Variants in EPHA6 observed in about 807,000 individuals in gnomAD.
EPHA6 encodes the protein ephrin type-A receptor 6.
A neutral mutation model predicts 112.0 loss-of-function variants in EPHA6; 50 were observed. The observed-to-expected ratio is 0.45, with a 90% CI of 0.36 to 0.56. The LOEUF (loss-of-function observed/expected upper bound fraction) is 0.56, where lower values mean the gene tolerates loss of function less well. Ranked by LOEUF, EPHA6 falls within the 20% of genes least tolerant of loss-of-function variation. The probability of loss-of-function intolerance (pLI) is 0.00; values close to 1 mark genes in which losing one functional copy is unlikely to be tolerated. For synonymous variants in EPHA6, 529 were observed against 490.7 expected (o/e 1.08, Z -1.03); for missense variants, 1,280 against 1,417.4 (o/e 0.90, Z 1.56).
At chr3:97,535,565 C>A (rs2092752450) in intron 11 of EPHA6, among the ~76,000 whole-genome samples, 1 of 151,998 alleles carries the variant, frequency 6.6e-6, no homozygotes, top group South Asian at 2.1e-4. Context: ...AGAAGAAAGC[C>A]AATAAATAAA....
intron 2 of EPHA6, among the ~76,000 whole-genome samples, chr3:96,900,338 T>C (rs1181098967): frequency 2.0e-5 from 3 of 152,176 alleles, no homozygotes; most frequent in Non-Finnish European, 2.9e-5. Context: ...TGAAATCCCA[T>C]AGAGGGAAGA....
chr3:96,816,830 TA>T (rs1257733530), intron 1 of EPHA6, among the ~76,000 whole-genome samples: 2 of 152,092 alleles, frequency 1.3e-5, no homozygotes, highest in African/African-American at 4.8e-5. Context: ...ATAGTAAATT[TA>T]AAAGCATCGA....
At chr3:96,904,312 A>G (rs531884878) in intron 2 of EPHA6, among the ~76,000 whole-genome samples, 23 of 152,020 alleles carry the variant, frequency 1.5e-4, no homozygotes, top group Non-Finnish European at 2.9e-4. Flanking sequence ...TTATAGGGAC[A>G]TGGATGAAGC....
intron 3 of EPHA6, among the ~76,000 whole-genome samples, chr3:97,032,485 A>G (rs115950266): frequency 6.6e-6 from 1 of 151,948 alleles, no homozygotes; most frequent in Non-Finnish European, 1.5e-5. Flanking sequence ...GATGAGACCC[A>G]TTATTTTGCT....
At chr3:97,019,836 T>G (rs2044391495) in intron 3 of EPHA6, among the ~76,000 whole-genome samples, 1 of 152,160 alleles carries the variant, frequency 6.6e-6, no homozygotes, top group Non-Finnish European at 1.5e-5. Flanking sequence ...TTTTTGCTTT[T>G]CTTTGTAAGT....
chr3:97,108,862 C>T (rs1197035783), intron 3 of EPHA6, among the ~76,000 whole-genome samples: 1 of 152,144 alleles, frequency 6.6e-6, no homozygotes, highest in Non-Finnish European at 1.5e-5. Flanking sequence ...TTTACAGCTA[C>T]AGTGTTGCAG....
intron 3 of EPHA6, among the ~76,000 whole-genome samples, chr3:97,174,629 T>G (rs1488009364): frequency 6.6e-6 from 1 of 151,964 alleles, no homozygotes; most frequent in African/African-American, 2.4e-5. Flanking sequence ...AGTTTTTATT[T>G]GCATTTCTGT....
intron 5 of EPHA6, among the ~76,000 whole-genome samples, chr3:97,288,865 T>A (rs543755303): frequency 6.6e-6 from 1 of 152,244 alleles, no homozygotes; most frequent in South Asian, 2.1e-4. Context: ...GTGGGGCCAC[T>A]TGTTACATCT....
At chr3:97,614,100 A>ATTGTTTT (rs550755202) in intron 13 of EPHA6, among the ~76,000 whole-genome samples, 865 of 152,134 alleles carry the variant, frequency 5.7e-3, no homozygotes, top group Non-Finnish European at 9.9e-3. Context: ...ATACTTTAAC[A>ATTGTTTT]TTGTTTTTTG....
intron 3 of EPHA6, among the ~76,000 whole-genome samples, chr3:97,217,670 TATCCA>T (rs1176985601): frequency 1.3e-5 from 2 of 152,170 alleles, no homozygotes; most frequent in African/African-American, 2.4e-5. Context: ...TATATCACAA[TATCCA>T]ATCATATGCT....
chr3:97,582,309 G>A (rs1174052163), intron 11 of EPHA6, among the ~76,000 whole-genome samples: 2 of 152,140 alleles, frequency 1.3e-5, no homozygotes. Flanking sequence ...CATTGCAGGT[G>A]TGAGCCACCA....
At chr3:97,170,271 T>C (rs1019741971) in intron 3 of EPHA6, among the ~76,000 whole-genome samples, 1 of 152,168 alleles carries the variant, frequency 6.6e-6, no homozygotes, top group Non-Finnish European at 1.5e-5. Context: ...TTACTATTAG[T>C]GCAACTTTAT....
At chr3:97,312,458 TC>T (rs2081606183) in intron 5 of EPHA6, among the ~76,000 whole-genome samples, 1 of 151,510 alleles carries the variant, frequency 6.6e-6, no homozygotes, top group Non-Finnish European at 1.5e-5. Flanking sequence ...TCCAACATAA[TC>T]CTCAAAGAAA....
At chr3:96,869,611 A>T (rs2036522239) in intron 2 of EPHA6, among the ~76,000 whole-genome samples, 2 of 152,034 alleles carry the variant, frequency 1.3e-5, no homozygotes, top group African/African-American at 4.8e-5. Flanking sequence ...ATTTTGCAAG[A>T]CTTAGAATTT....
intron 2 of EPHA6, among the ~76,000 whole-genome samples, chr3:96,890,834 C>G (rs1440645827): frequency 1.3e-5 from 2 of 152,158 alleles, no homozygotes; most frequent in Non-Finnish European, 2.9e-5. Flanking sequence ...GCCTGTAATC[C>G]CAGCACTTTG....
chr3:97,645,191 T>C lies in EPHA6; in HGVS notation c.2784+7109T>C, dbSNP rs1459312805. 2.6e-5 allele frequency among the ~76,000 whole-genome samples: 4 copies of C among 151,378 alleles called. No homozygotes were observed. The East Asian group carries it at 7.8e-4, about 29-fold the overall frequency. On this transcript the variant is annotated intron_variant, in intron 14 of 17. Transcript: ENST00000389672. ...TATATACCCAAAGGACTATAAATCATGCTGCTATAAAGACACATGCACACG... is the reference window on the plus strand; with the variant it reads ...TATATACCCAAAGGACTATAAATCACGCTGCTATAAAGACACATGCACACG...
intron 1 of EPHA6, among the ~76,000 whole-genome samples, chr3:96,863,987 T>C (rs1221566928): frequency 6.6e-6 from 1 of 152,030 alleles, no homozygotes; most frequent in African/African-American, 2.4e-5. Flanking sequence ...TACTGATGTT[T>C]CTCTCCATTA....
intron 10 of EPHA6, among the ~76,000 whole-genome samples, chr3:97,505,668 T>A (rs1440959389): frequency 6.6e-6 from 1 of 152,192 alleles, no homozygotes; most frequent in African/African-American, 2.4e-5. Context: ...GGTGTCTTTA[T>A]AGTAGAATGA....
intron 3 of EPHA6, among the ~76,000 whole-genome samples, chr3:97,002,062 A>G (rs1230371292): frequency 1.3e-5 from 2 of 151,940 alleles, no homozygotes; most frequent in African/African-American, 4.8e-5. Context: ...TTTTATTTCT[A>G]TTCTTTTTTA....
Sources: allele counts gnomAD v4.1 joint callset (sites outside exome capture counted in the v4.1 genomes callset), GRCh38; gene constraint gnomAD v4.1.1; transcripts MANE v1.5; gene names NCBI Gene and HGNC (gene_info 2026-07-23, HGNC 2026-07-21).